Variants in UNC5A observed in about 807,000 individuals in gnomAD.
UNC5A encodes the protein netrin receptor UNC5A.
Under a neutral mutation model 87.4 loss-of-function variants are expected in UNC5A, and 20 were observed. The observed-to-expected ratio is 0.23, with a 90% CI of 0.16 to 0.33. UNC5A has a LOEUF of 0.33. Among genes scored for constraint, UNC5A ranks in the 10% least tolerant of loss-of-function variants. The pLI is 1.00. For synonymous variants in UNC5A, 438 were observed against 482.3 expected (o/e 0.91, Z 1.20); for missense variants, 844 against 1,133.4 (o/e 0.74, Z 3.67).
In UNC5A at chr5:176,814,160, C is replaced by T. The variant is rs1017708379; in HGVS notation, c.70+3340C>T. Reference sequence around the variant, plus strand: ...AGCAGCCACCACCACCCATCCCCCTCGGGCCTCCTCCACTCAGACTAAGGC... The same window carrying T: ...AGCAGCCACCACCACCCATCCCCCTTGGGCCTCCTCCACTCAGACTAAGGC... On this transcript the variant is annotated intron_variant, in intron 1 of 14. Coordinates refer to ENST00000329542, the MANE Select transcript of UNC5A (RefSeq NM_133369.3). 4.6e-5 allele frequency among the ~76,000 whole-genome samples: 7 copies of T among 152,312 alleles called. 1 individual carries two copies. The highest frequency in any genetic ancestry group is 6.8e-3 in the Middle Eastern group (2 of 294).
rs149123488 is a variant in UNC5A, at chr5:176,840,465, T to C, written c.71-22159T>C. Among the ~76,000 whole-genome samples, 468 of 152,320 alleles carry C rather than the reference T, an allele frequency of 3.1e-3. 5 individuals are homozygous for C. The highest frequency in any genetic ancestry group is 0.01 in the African/African-American group (429 of 41,558). On this transcript the variant is annotated intron_variant, in intron 1 of 14. Transcript: ENST00000329542. Reference sequence around the variant, plus strand: ...ACATCAGCACTTTTCTCTTTTGTGCTCCTGTTTTAATAACACGTTGGGCTC... The same window carrying C: ...ACATCAGCACTTTTCTCTTTTGTGCCCCTGTTTTAATAACACGTTGGGCTC...
At chr5:176,820,409 A>G (rs1193907533) in intron 1 of UNC5A, among the ~76,000 whole-genome samples, 1 of 152,132 alleles carries the variant, frequency 6.6e-6, no homozygotes, top group Non-Finnish European at 1.5e-5. Flanking sequence ...AAAAAAAAGA[A>G]AAGAAAGAAA....
intron 1 of UNC5A, among the ~76,000 whole-genome samples, chr5:176,822,288 G>C (rs1756745535): frequency 6.6e-6 from 1 of 152,244 alleles, no homozygotes; most frequent in Non-Finnish European, 1.5e-5. Context: ...TTTGTGTGGA[G>C]GGGTGTGCGG....
At chr5:176,825,025 T>C (rs1013716225) in intron 1 of UNC5A, among the ~76,000 whole-genome samples, 1 of 152,202 alleles carries the variant, frequency 6.6e-6, no homozygotes, top group African/African-American at 2.4e-5. Flanking sequence ...CTCCCAGCTC[T>C]TGGAGTCTGC....
intron 1 of UNC5A, among the ~76,000 whole-genome samples, chr5:176,861,565 C>T (rs1236130764): frequency 1.3e-5 from 2 of 152,154 alleles, no homozygotes; most frequent in African/African-American, 4.8e-5. Context: ...TGGGCCCAGG[C>T]CTCCCAGTCT....
chr5:176,862,902 C>T, intron 2 of UNC5A, 57 bp downstream of exon 2: 3 of 1,587,854 alleles, frequency 1.9e-6, no homozygotes, highest in South Asian at 2.2e-5. Flanking sequence ...TTTCGGCCCC[C>T]CCAGAGGAGC....
Position 176,875,150 on chromosome 5 carries a change from G to A in UNC5A, c.1378+584G>A, listed in dbSNP as rs531214309. ...GTTCCATAAATGTAGGTGTGCCTCC[G>A]AGCTCCCTCCCAGTGCCCTTCTCCC... On this transcript the variant is annotated intron_variant, in intron 8 of 14. Transcript: ENST00000329542. The surrounding 1 kb of genome is among the most constrained non-coding windows in gnomAD (Gnocchi z 5.2). 2.7e-4 allele frequency among the ~76,000 whole-genome samples: 41 copies of A among 152,154 alleles called. 1 individual carries two copies. The highest frequency in any genetic ancestry group is 2.5e-4 in the Non-Finnish European group (17 of 68,014).
chr5:176,844,592 A>G lies in UNC5A; in HGVS notation c.71-18032A>G, dbSNP rs1416200031. On this transcript the variant is annotated intron_variant, in intron 1 of 14. Transcript: ENST00000329542. This position sits in a 1 kb window ranked among gnomAD's most constrained non-coding sequence, Gnocchi z 4.2. ...ACAGCCCACCGTGGCTCGGAGGAGCATGGGCTGGTGTGACCCTGGCTTCCA... is the reference window on the plus strand; with the variant it reads ...ACAGCCCACCGTGGCTCGGAGGAGCGTGGGCTGGTGTGACCCTGGCTTCCA... 1.3e-5 allele frequency among the ~76,000 whole-genome samples: 2 copies of G among 152,188 alleles called. No individual in the cohort carries two copies. Among genetic ancestry groups the G allele is most frequent in the Non-Finnish European group, 2.9e-5 (2 of 68,020 alleles).
intron 1 of UNC5A, among the ~76,000 whole-genome samples, chr5:176,832,144 A>T (rs6556288): frequency 6.6e-6 from 1 of 152,066 alleles, no homozygotes; most frequent in Non-Finnish European, 1.5e-5. Flanking sequence ...TGATCCACCC[A>T]GCTCAGCCTC....
At chr5:176,817,905 G>A (rs1394063280) in intron 1 of UNC5A, among the ~76,000 whole-genome samples, 1 of 151,968 alleles carries the variant, frequency 6.6e-6, no homozygotes, top group Non-Finnish European at 1.5e-5. Context: ...AACTCCGGCG[G>A]CCAAGCCGGG....
intron 9 of UNC5A, 25 bp from the exon 10 acceptor site, chr5:176,877,510 C>T: frequency 6.4e-7 from 1 of 1,565,072 alleles, no homozygotes; most frequent in Non-Finnish European, 8.7e-7. Context: ...ACCTTTCCCT[C>T]CCCACCCATA....
chr5:176,877,782 G>C, intron 10 of UNC5A, 79 bp downstream of exon 10: 1 of 1,519,218 alleles, frequency 6.6e-7, no homozygotes, highest in Non-Finnish European at 8.9e-7. Flanking sequence ...ACCGCTGGGT[G>C]GTCCTGAGCC....
rs763994925 is a variant in UNC5A at position 176,870,506 on chromosome 5, C to G, written c.858C>G (p.Arg286=). Residue 286 remains arginine, a synonymous_variant, in exon 6 of 15, where the codon CGC becomes CGG. Transcript: ENST00000329542. The part of the protein sequence containing the change: ...EECQGTDLDT[R]NCTSDLCVHT... ...GCCAGGGCACTGACCTGGACACCCG[C>G]AACTGTACCAGTGACCTCTGTGTAC... The G allele has an allele frequency of 8.1e-6, 13 of 1,605,756 alleles. No homozygotes were observed. In the South Asian group the frequency reaches 1.3e-4, roughly 16 times the overall value.
intron 1 of UNC5A, among the ~76,000 whole-genome samples, chr5:176,852,350 C>CACACACAGAA (rs1357730718): frequency 6.6e-6 from 1 of 151,520 alleles, no homozygotes; most frequent in African/African-American, 2.4e-5. Context: ...CACACAGAAA[C>CACACACAGAA]ACATACACAC....
Position 176,873,164 on chromosome 5 carries a change from C to T in UNC5A, c.887-804C>T, listed in dbSNP as rs369217345. 1.9e-3 allele frequency among the ~76,000 whole-genome samples: 281 copies of T among 151,612 alleles called. 1 individual carries two copies. In the South Asian group the frequency reaches 0.02, roughly 11 times the overall value. ...CAGCTTCCCATCTGCCCACACTCAC[C>T]AACACCACAGCTTCCCATCTGCCCA... On this transcript the variant is annotated intron_variant, in intron 6 of 14. Coordinates refer to ENST00000329542, the MANE Select transcript of UNC5A (RefSeq NM_133369.3).
intron 2 of UNC5A, among the ~76,000 whole-genome samples, chr5:176,863,954 G>A (rs1275026667): frequency 6.7e-6 from 1 of 150,260 alleles, no homozygotes; most frequent in Non-Finnish European, 1.5e-5. Flanking sequence ...GACACCTCAG[G>A]GGTAGTCCTG....
chr5:176,877,644 C>T lies in UNC5A; in HGVS notation c.1576C>T (p.Pro526Ser), dbSNP rs760538769. ...CCTGGCTATGGACCACTGTGGGGAGCCCAGCCCTGACAGCTGGAGCCTGCG... is the reference window on the plus strand; with the variant it reads ...CCTGGCTATGGACCACTGTGGGGAGTCCAGCCCTGACAGCTGGAGCCTGCG... Reference protein sequence around the residue: ...VILAMDHCGEPSPDSWSLRLK... With the variant: ...VILAMDHCGESSPDSWSLRLK... Residue 526 changes from proline (P) to serine (S), a missense_variant, in exon 10 of 15, where the codon CCC becomes TCC. By Grantham distance (74) the Pro-to-Ser change is moderately conservative. Transcript: ENST00000329542. The T allele has an allele frequency of 6.2e-7, 1 of 1,612,308 alleles. No individual in the cohort carries two copies. Among genetic ancestry groups the T allele is most frequent in the Non-Finnish European group, 8.5e-7 (1 of 1,179,498 alleles).
At chr5:176,829,141 A>AG (rs1167953585) in intron 1 of UNC5A, among the ~76,000 whole-genome samples, 2 of 141,054 alleles carry the variant, frequency 1.4e-5, no homozygotes, top group South Asian at 2.2e-4. Context: ...CAAAAAAAAA[A>AG]AAAAAAAGAA....
At chr5:176,846,876 GA>G in intron 1 of UNC5A, among the ~76,000 whole-genome samples, 1 of 152,182 alleles carries the variant, frequency 6.6e-6, no homozygotes, top group Non-Finnish European at 1.5e-5. Context: ...TGCCGACCTT[GA>G]AGCCAGTCGG....
Sources: gnomAD v4.1 joint callset for allele counts (sites outside exome capture counted in the v4.1 genomes callset) on GRCh38, gnomAD v4.1.1 for gene constraint, Gnocchi (gnomAD v3.1) non-coding constraint, MANE v1.5 for transcripts, NCBI Gene and HGNC (gene_info 2026-07-23, HGNC 2026-07-21) for gene names.